The following ANKRD27 variants were observed in gnomAD, a reference collection of about 807,000 sequenced individuals.
The protein encoded by ANKRD27 is ankyrin repeat domain 27.
Under a neutral mutation model 129.7 loss-of-function variants are expected in ANKRD27, and 112 were observed. That is an observed-to-expected ratio of 0.86 (90% CI 0.74 to 1.01). ANKRD27 has a LOEUF of 1.01. Among genes scored for constraint, ANKRD27 ranks in the 50% least tolerant of loss-of-function variants. The pLI is 0.00. For missense variants in ANKRD27, 1,258 were observed against 1,300.5 expected (o/e 0.97, Z 0.50); for synonymous variants, 516 against 511.2 (o/e 1.01, Z -0.13).
At chr19:32,604,909 A>G (rs926466667) in intron 24 of ANKRD27, among the ~76,000 whole-genome samples, 4 of 151,398 alleles carry the variant, frequency 2.6e-5, no homozygotes, top group Non-Finnish European at 4.4e-5. Flanking sequence ...AAAAAACACC[A>G]AAAAACAAAA....
At chr19:32,645,774 A>T (rs1967291225) in intron 4 of ANKRD27, among the ~76,000 whole-genome samples, 1 of 152,066 alleles carries the variant, frequency 6.6e-6, no homozygotes, top group South Asian at 2.1e-4. Context: ...CTGGGATTAC[A>T]GGCACGCACC....
intron 22 of ANKRD27, among the ~76,000 whole-genome samples, chr19:32,611,856 C>T (rs1425166622): frequency 2.6e-5 from 4 of 152,206 alleles, no homozygotes; most frequent in Non-Finnish European, 4.4e-5. Flanking sequence ...GCTGGGATTA[C>T]AGGCGTGAGC....
intron 4 of ANKRD27, 81 bp from the exon 5 acceptor site, chr19:32,644,560 C>G: frequency 6.7e-7 from 1 of 1,497,846 alleles, no homozygotes. Context: ...GGCCTAGGCC[C>G]TCTGGGGAGG....
Position 32,628,834 on chromosome 19 carries a change from T to G in ANKRD27, c.1225A>C (p.Asn409His). 6.2e-7 allele frequency: 1 copy of G among 1,614,178 alleles called. No individual in the cohort carries two copies. The highest frequency in any genetic ancestry group is 8.5e-7 in the Non-Finnish European group (1 of 1,180,016). Residue 409 changes from asparagine (N) to histidine (H), a missense_variant, in exon 14 of 29, where the codon AAC becomes CAC. Transcript: ENST00000306065. ...DCLFKHIASG[N>H]QKEVERLLSQ... Reference sequence around the variant, plus strand: ...AGAAGTCTCTCCACTTCTTTCTGGTTACCTGATGCAATGTGCTGAAAAGTG... The same window carrying G: ...AGAAGTCTCTCCACTTCTTTCTGGTGACCTGATGCAATGTGCTGAAAAGTG...
chr19:32,602,929 C>CA (rs1010819565), intron 25 of ANKRD27, among the ~76,000 whole-genome samples: 4 of 151,228 alleles, frequency 2.6e-5, no homozygotes, highest in Non-Finnish European at 1.5e-5. Context: ...TTTTAAAAAC[C>CA]AAAAAAAATT....
intron 22 of ANKRD27, among the ~76,000 whole-genome samples, chr19:32,613,659 G>A (rs34083174): frequency 0.023 from 3,534 of 150,720 alleles, 104 homozygotes; most frequent in South Asian, 0.093. Context: ...ACGGAGTGAA[G>A]AAAGTCAATC....
At chr19:32,601,041 G>T (rs1269457854) in intron 26 of ANKRD27, among the ~76,000 whole-genome samples, 1 of 152,158 alleles carries the variant, frequency 6.6e-6, no homozygotes, top group Non-Finnish European at 1.5e-5. Context: ...GCTCACACCT[G>T]TAACTCCAGC....
intron 1 of ANKRD27, 136 bp from the exon 2 acceptor site, chr19:32,659,181 C>T: frequency 1.8e-6 from 1 of 559,750 alleles, no homozygotes; most frequent in Non-Finnish European, 3.1e-6. Flanking sequence ...CTCTGTCGCC[C>T]AGGCTGGAGC....
chr19:32,607,615 C>A lies in ANKRD27; in HGVS notation c.2373+20G>T. On this transcript the variant is annotated intron_variant, in intron 23 of 28. Coordinates refer to ENST00000306065, the MANE Select transcript of ANKRD27 (RefSeq NM_032139.3). ...CAAAGCAGACACCCTGCTCCACCAC[C>A]CCCAACACACAGCCCGAACCTGAAA... is the stretch of plus-strand genomic sequence containing the variant. The A allele has an allele frequency of 1.2e-6, 2 of 1,608,784 alleles. No homozygotes were observed. Among genetic ancestry groups the A allele is most frequent in the Non-Finnish European group, 1.7e-6 (2 of 1,178,624 alleles).
chr19:32,669,745 C>G (rs745368402), intron 1 of ANKRD27, among the ~76,000 whole-genome samples: 2 of 152,190 alleles, frequency 1.3e-5, no homozygotes, highest in Non-Finnish European at 1.5e-5. Flanking sequence ...CACCTATAAT[C>G]TGAACACTTT....
intron 1 of ANKRD27, among the ~76,000 whole-genome samples, chr19:32,674,142 G>A (rs10414208): frequency 0.05 from 7,667 of 151,998 alleles, 596 homozygotes; most frequent in African/African-American, 0.16. Context: ...AGCCAACAGA[G>A]CCAGACCCTG....
At chr19:32,657,898 C>G (rs543906344) in intron 2 of ANKRD27, among the ~76,000 whole-genome samples, 1 of 152,050 alleles carries the variant, frequency 6.6e-6, no homozygotes, top group Non-Finnish European at 1.5e-5. Context: ...TCGCTTGAAC[C>G]TGGGAGACAG....
intron 22 of ANKRD27, among the ~76,000 whole-genome samples, chr19:32,611,884 T>C (rs574743113): frequency 5.3e-5 from 8 of 152,224 alleles, no homozygotes; most frequent in African/African-American, 1.9e-4. Flanking sequence ...CCCGGCCAAA[T>C]TCATTTTCTA....
intron 13 of ANKRD27, among the ~76,000 whole-genome samples, 184 bp downstream of exon 13, chr19:32,631,218 C>T (rs1945174882): frequency 6.6e-6 from 1 of 151,730 alleles, no homozygotes; most frequent in Admixed American, 6.6e-5. Context: ...GCTGTTGCAC[C>T]ATGTTGGCCA....
intron 1 of ANKRD27, among the ~76,000 whole-genome samples, 200 bp from the exon 2 acceptor site, chr19:32,659,245 G>A (rs536600470): frequency 2.1e-4 from 31 of 147,672 alleles, no homozygotes; most frequent in African/African-American, 6.5e-4. Flanking sequence ...CCACACCCGC[G>A]AATTTTTGTA....
intron 4 of ANKRD27, among the ~76,000 whole-genome samples, chr19:32,645,188 C>A (rs1363993663): frequency 6.6e-6 from 1 of 152,030 alleles, no homozygotes; most frequent in African/African-American, 2.4e-5. Context: ...CTGAGGCGGG[C>A]AGATCATGAG....
At chr19:32,667,603 C>G (rs1967784134) in intron 1 of ANKRD27, among the ~76,000 whole-genome samples, 1 of 151,868 alleles carries the variant, frequency 6.6e-6, no homozygotes, top group African/African-American at 2.4e-5. Flanking sequence ...CCTCATAATC[C>G]CAGCACTTTC....
intron 12 of ANKRD27, chr19:32,638,969 G>T: frequency 2.9e-6 from 1 of 343,458 alleles, no homozygotes; most frequent in Non-Finnish European, 5.2e-6. Flanking sequence ...CTCAGGCAAA[G>T]GAGCCACCAG....
chr19:32,607,849 A>G lies in ANKRD27; in HGVS notation c.2176-17T>C, dbSNP rs1971770840. Reference sequence around the variant, plus strand: ...CGCCAGCCTCTGGGAAGCGCAGAAGATGGAAACACAAACGTCATCAGTATT... The same window carrying G: ...CGCCAGCCTCTGGGAAGCGCAGAAGGTGGAAACACAAACGTCATCAGTATT... On this transcript the variant is annotated splice_polypyrimidine_tract_variant and intron_variant, in intron 22 of 28. Coordinates refer to ENST00000306065, the MANE Select transcript of ANKRD27 (RefSeq NM_032139.3). 1 of 1,591,706 alleles carries G rather than the reference A, an allele frequency of 6.3e-7. No homozygotes were observed. Among genetic ancestry groups the G allele is most frequent in the Non-Finnish European group, 8.6e-7 (1 of 1,169,578 alleles).
Sources: allele counts gnomAD v4.1 joint callset (sites outside exome capture counted in the v4.1 genomes callset), GRCh38; gene constraint gnomAD v4.1.1; transcripts MANE v1.5; gene names NCBI Gene and HGNC (gene_info 2026-07-23, HGNC 2026-07-21).